The following ALK variants were observed in gnomAD, a reference collection of about 807,000 sequenced individuals.
ALK encodes the protein ALK receptor tyrosine kinase, also known as ALK tyrosine kinase receptor.
Under a neutral mutation model 163.1 loss-of-function variants are expected in ALK, and 74 were observed. The observed-to-expected ratio is 0.45, with a 90% confidence interval of 0.38 to 0.55. ALK has a LOEUF of 0.55. ALK is among the 20% of genes least tolerant of loss of function. ALK has a pLI of 0.00. For missense variants in ALK, 2,063 were observed against 2,105.3 expected (o/e 0.98, Z 0.39); for synonymous variants, 960 against 843.2 (o/e 1.14, Z -2.40).
At chr2:29,310,665 G>A (rs547282932) in intron 8 of ALK, among the ~76,000 whole-genome samples, 1 of 152,346 alleles carries the variant, frequency 6.6e-6, no homozygotes, top group South Asian at 2.1e-4. Context: ...CCACACGGCA[G>A]GTTTGAAATC....
intron 1 of ALK, among the ~76,000 whole-genome samples, chr2:29,816,544 A>T (rs1664903399): frequency 6.6e-6 from 1 of 152,192 alleles, no homozygotes; most frequent in Non-Finnish European, 1.5e-5. Context: ...TTTACTAATT[A>T]TACGCTAATA....
At chr2:29,484,795 C>T (rs1425005080) in intron 4 of ALK, among the ~76,000 whole-genome samples, 1 of 152,180 alleles carries the variant, frequency 6.6e-6, no homozygotes, top group East Asian at 1.9e-4. Flanking sequence ...CTTAACACTA[C>T]TTTAAATGAC....
At chr2:29,322,976 A>G (rs888924868) in intron 6 of ALK, among the ~76,000 whole-genome samples, 1 of 152,180 alleles carries the variant, frequency 6.6e-6, no homozygotes, top group African/African-American at 2.4e-5. Flanking sequence ...TTACCCTTTT[A>G]GGAGGCAGAG....
At chr2:29,468,034 A>AT (rs200416113) in intron 4 of ALK, among the ~76,000 whole-genome samples, 3,818 of 146,828 alleles carry the variant, frequency 0.026, 75 homozygotes, top group Middle Eastern at 0.072. Flanking sequence ...GTCCTCAATA[A>AT]TTTTTTTTTT....
chr2:29,600,164 T>C (rs1675343360), intron 3 of ALK, among the ~76,000 whole-genome samples: 1 of 152,156 alleles, frequency 6.6e-6, no homozygotes, highest in African/African-American at 2.4e-5. Flanking sequence ...AGACTGTTTT[T>C]CCTGGGATAC....
Position 29,336,392 on chromosome 2 carries a change from A to G in ALK, c.1283-7911T>C, listed in dbSNP as rs61628315. Among the ~76,000 whole-genome samples, 795 of 152,236 alleles carry G rather than the reference A, an allele frequency of 5.2e-3. 9 individuals are homozygous for G. Among genetic ancestry groups the G allele is most frequent in the African/African-American group, 0.017 (717 of 41,548 alleles). On this transcript the variant is annotated intron_variant, in intron 5 of 28. Transcript: ENST00000389048. ...CTTTCCAAAGCCACACACCCAGCAAACTTGCCTCTCAGTGGGATTTCCTGT... is the reference window on the plus strand; with the variant it reads ...CTTTCCAAAGCCACACACCCAGCAAGCTTGCCTCTCAGTGGGATTTCCTGT...
intron 3 of ALK, among the ~76,000 whole-genome samples, chr2:29,551,400 T>TTA (rs1387063036): frequency 6.6e-6 from 1 of 152,060 alleles, no homozygotes; most frequent in Non-Finnish European, 1.5e-5. Context: ...GACACTGTGC[T>TTA]TATATATATA....
At chr2:29,886,506 T>A (rs1041585924) in intron 1 of ALK, among the ~76,000 whole-genome samples, 1 of 152,222 alleles carries the variant, frequency 6.6e-6, no homozygotes, top group Non-Finnish European at 1.5e-5. Flanking sequence ...GAAAAAGAGA[T>A]GTAACTCAAA....
intron 4 of ALK, among the ~76,000 whole-genome samples, chr2:29,387,520 G>A (rs533603999): frequency 2.6e-5 from 4 of 152,118 alleles, no homozygotes; most frequent in East Asian, 1.9e-4. Flanking sequence ...CCTGGATTCC[G>A]GTCGTGGATT....
At chr2:29,413,891 C>T (rs1669798856) in intron 4 of ALK, among the ~76,000 whole-genome samples, 1 of 152,196 alleles carries the variant, frequency 6.6e-6, no homozygotes, top group Non-Finnish European at 1.5e-5. Context: ...TGCCGAACTC[C>T]TGACCTCAGG....
At chr2:29,682,348 T>C (rs1459539065) in intron 3 of ALK, among the ~76,000 whole-genome samples, 3 of 152,194 alleles carry the variant, frequency 2.0e-5, no homozygotes, top group African/African-American at 4.8e-5. Flanking sequence ...AATCCTCATT[T>C]TGAAAGCATT....
intron 3 of ALK, among the ~76,000 whole-genome samples, chr2:29,611,555 G>C (rs1456495039): frequency 1.3e-5 from 2 of 152,192 alleles, no homozygotes; most frequent in East Asian, 3.8e-4. Context: ...CTTAAGGAAA[G>C]AGGAGGTTAT....
At chr2:29,460,302 C>T (rs938006918) in intron 4 of ALK, among the ~76,000 whole-genome samples, 2 of 152,160 alleles carry the variant, frequency 1.3e-5, no homozygotes, top group African/African-American at 4.8e-5. Context: ...AAATGTAAGG[C>T]ATTGTAGATA....
At chr2:29,902,212 A>G (rs1173087305) in intron 1 of ALK, among the ~76,000 whole-genome samples, 1 of 151,596 alleles carries the variant, frequency 6.6e-6, no homozygotes, top group Non-Finnish European at 1.5e-5. Context: ...ATTGAACTCA[A>G]CTCTTCCTCC....
At chr2:29,579,572 A>G (rs6757944) in intron 3 of ALK, among the ~76,000 whole-genome samples, 127,364 of 151,716 alleles carry the variant, frequency 0.84, 54,049 homozygotes, top group Non-Finnish European at 0.92. Context: ...GATGTCCTCT[A>G]TACACTTTGG....
chr2:29,784,582 G>T (rs2148352767), intron 1 of ALK, among the ~76,000 whole-genome samples: 1 of 152,200 alleles, frequency 6.6e-6, no homozygotes, highest in Admixed American at 6.5e-5. Context: ...TGTAATCCCA[G>T]CTACTTGGGA....
chr2:29,436,903 G>A (rs1364125612), intron 4 of ALK, among the ~76,000 whole-genome samples: 2 of 152,162 alleles, frequency 1.3e-5, no homozygotes, highest in Admixed American at 6.5e-5. Flanking sequence ...ACCACTTAGG[G>A]AGCACAGGCC....
At chr2:29,362,473 C>T (rs1234117128) in intron 5 of ALK, among the ~76,000 whole-genome samples, 2 of 152,116 alleles carry the variant, frequency 1.3e-5, no homozygotes, top group African/African-American at 2.4e-5. Flanking sequence ...AAAGACCCTC[C>T]TAAGAGGGGT....
At chr2:29,801,938 C>A (rs1572390386) in intron 1 of ALK, among the ~76,000 whole-genome samples, 1 of 152,096 alleles carries the variant, frequency 6.6e-6, no homozygotes, top group Admixed American at 6.5e-5. Flanking sequence ...ATAGAGTAAA[C>A]AACTTCTTAA....
Sources: allele counts gnomAD v4.1 joint callset (sites outside exome capture counted in the v4.1 genomes callset), GRCh38; gene constraint gnomAD v4.1.1; transcripts MANE v1.5; gene names NCBI Gene and HGNC (gene_info 2026-07-23, HGNC 2026-07-21).